LMTK2: variants seen among roughly 807,000 people sequenced by gnomAD.
The protein encoded by LMTK2 is lemur tail kinase 2.
In LMTK2, 37 loss-of-function variants were observed where a neutral mutation model predicts 127.5. That is an observed-to-expected ratio of 0.29 (90% CI 0.22 to 0.38). LMTK2 has a LOEUF of 0.38. Ranked by LOEUF, LMTK2 falls within the 10% of genes least tolerant of loss-of-function variation. LMTK2 has a pLI of 1.00. For synonymous variants in LMTK2, 819 were observed against 810.1 expected, an observed-to-expected ratio of 1.01 and a Z score of -0.19; for missense variants, 1,694 against 1,920.3, an observed-to-expected ratio of 0.88 and a Z score of 2.20.
At chr7:98,146,560 T>G (rs867241981) in intron 3 of LMTK2, among the ~76,000 whole-genome samples, 36 of 152,196 alleles carry the variant, frequency 2.4e-4, no homozygotes, top group African/African-American at 7.7e-4. Flanking sequence ...TCTTAGTGAT[T>G]ATAATGATTA....
chr7:98,139,745 A>G (rs984441955), intron 2 of LMTK2, among the ~76,000 whole-genome samples: 2 of 152,226 alleles, frequency 1.3e-5, no homozygotes, highest in East Asian at 1.9e-4. Flanking sequence ...GCATATGGAA[A>G]CACAAGTGTT....
At position 98,171,413 on chromosome 7, in the gene LMTK2, C is replaced by G; in HGVS notation, c.658-128C>G. 2 of 1,226,504 alleles carry G rather than the reference C, an allele frequency of 1.6e-6. No homozygotes were observed. The highest frequency in any genetic ancestry group is 2.4e-6 in the Non-Finnish European group (2 of 843,078). 76.0% of individuals were successfully genotyped at this position (1,226,504 alleles called of 1,614,324 possible). On this transcript the variant is annotated intron_variant, in intron 6 of 13. Transcript: ENST00000297293. The surrounding 1 kb of genome is among the most constrained non-coding windows in gnomAD (Gnocchi z 5.1). ...CTTTCGCAGTATTGGGTTGGAACTT[C>G]TTTAAGTATGAACAAAAGAAGTTTC...
In LMTK2 at chr7:98,173,997, A is replaced by G. The variant is rs868831445; in HGVS notation, c.791+2323A>G. On this transcript the variant is annotated intron_variant, in intron 7 of 13. Coordinates refer to ENST00000297293, the MANE Select transcript of LMTK2 (RefSeq NM_014916.4). ...CGTGAACCCGGGAGGTGGAGCTTGC[A>G]GTGAGCCGAGATCATGCCACTGCAC... Among the ~76,000 whole-genome samples the G allele has an allele frequency of 6.6e-5, 10 of 151,918 alleles. No individual in the cohort carries two copies. In the Middle Eastern group the frequency reaches 0.01, roughly 155 times the overall value.
At chr7:98,161,748 C>T (rs182745564) in intron 6 of LMTK2, among the ~76,000 whole-genome samples, 1 of 152,250 alleles carries the variant, frequency 6.6e-6, no homozygotes, top group Admixed American at 6.5e-5. Context: ...GGCACTGACA[C>T]AGCATCAACA....
At chr7:98,131,428 C>T (rs1290064651) in intron 1 of LMTK2, among the ~76,000 whole-genome samples, 2 of 152,090 alleles carry the variant, frequency 1.3e-5, no homozygotes, top group African/African-American at 4.8e-5. Flanking sequence ...GTGTTTTTCA[C>T]AGCCTGTGTT....
Position 98,194,341 on chromosome 7 carries a change from C to G in LMTK2, c.3876C>G (p.Asp1292Glu). 1 of 1,614,132 alleles carries G rather than the reference C, an allele frequency of 6.2e-7. No individual in the cohort carries two copies. ...CAGACGAGGAGGACGAAAACAGCGA[C>G]GACTCGGACGAGGACCTGCGGGCCT... The part of the protein sequence containing the change: ...MDADEEDENS[D>E]DSDEDLRAFN... Residue 1292 changes from aspartate (D) to glutamate (E), a missense_variant, in exon 11 of 14, where the codon GAC (aspartate) becomes GAG (glutamate). Transcript: ENST00000297293. This position sits in a 1 kb window ranked among gnomAD's most constrained non-coding sequence, Gnocchi z 5.4.
rs1584303353 is a variant in LMTK2, at chr7:98,204,053, T to C, written c.4350T>C (p.Ser1450=). ...CTCTCCAAACATCCAAGTACTTTTC[T>C]CCGCCGCCACCGGCCCGGAGCACGG... The part of the protein sequence containing the change: ...KPSLQTSKYF[S]PPPPARSTEQ... Residue 1450 remains serine (S), a synonymous_variant, in exon 13 of 14, where the codon TCT becomes TCC. Coordinates refer to ENST00000297293, the MANE Select transcript of LMTK2 (RefSeq NM_014916.4). 6.2e-7 allele frequency: 1 copy of C among 1,614,048 alleles called. No individual in the cohort carries two copies. Among genetic ancestry groups the C allele is most frequent in the South Asian group, 1.1e-5 (1 of 91,082 alleles).
At chr7:98,169,453 G>A (rs962743991) in intron 6 of LMTK2, among the ~76,000 whole-genome samples, 1 of 152,224 alleles carries the variant, frequency 6.6e-6, no homozygotes, top group Non-Finnish European at 1.5e-5. Context: ...GGCTGGGGTG[G>A]CAGTTCACTG....
intron 1 of LMTK2, among the ~76,000 whole-genome samples, chr7:98,112,397 TAC>T (rs2116315283): frequency 6.6e-6 from 1 of 152,318 alleles, no homozygotes; most frequent in Admixed American, 6.5e-5. Context: ...AGAGAATAGT[TAC>T]AGTCTTGTGA....
At chr7:98,144,158 C>T (rs551325055) in intron 3 of LMTK2, among the ~76,000 whole-genome samples, 6 of 151,962 alleles carry the variant, frequency 3.9e-5, no homozygotes, top group East Asian at 3.9e-4. Flanking sequence ...AGGCTGGGAG[C>T]GGTGGTTCAT....
chr7:98,187,325 G>T (rs575297263), intron 9 of LMTK2, among the ~76,000 whole-genome samples: 1 of 152,280 alleles, frequency 6.6e-6, no homozygotes, highest in South Asian at 2.1e-4. Context: ...GAAACTGAAA[G>T]GGGTGTGGAC....
intron 6 of LMTK2, among the ~76,000 whole-genome samples, chr7:98,161,063 C>T (rs1046110606): frequency 2.0e-5 from 3 of 152,010 alleles, no homozygotes; most frequent in African/African-American, 7.2e-5. Context: ...AGTTCATTTA[C>T]GTTTCTTGTA....
chr7:98,172,772 AT>A (rs1797213026), intron 7 of LMTK2, among the ~76,000 whole-genome samples: 1 of 150,464 alleles, frequency 6.6e-6, no homozygotes, highest in South Asian at 2.1e-4. Flanking sequence ...TTTATGTATT[AT>A]TTTTTTGAGA....
rs1285490617 is a variant in LMTK2 at position 98,122,722 on chromosome 7, GTGTGTA to G, written c.104-14591_104-14586del. Among the ~76,000 whole-genome samples, 154 of 86,742 alleles carry G rather than the reference GTGTGTA, an allele frequency of 1.8e-3. 4 individuals are homozygous for G. The highest frequency in any genetic ancestry group is 0.011 in the East Asian group (23 of 2,016). The allele number at this position is 86,742 out of a possible 152,430, so 56.9% of individuals were successfully genotyped here. A position where few individuals can be genotyped will look rare whatever the true frequency, so the allele number is the denominator to read the frequency against. On this transcript the variant is annotated intron_variant, in intron 1 of 13. Transcript: ENST00000297293. ...TGTGTGTGTGTGTGTGTGTGTGTGT[GTGTGTA>G]TATATATAACTGGATCTCACTCTGT... is the stretch of plus-strand genomic sequence containing the variant.
chr7:98,193,745 G>A lies in LMTK2; in HGVS notation c.3280G>A (p.Ala1094Thr), dbSNP rs770737389. The stretch of plus-strand genomic sequence containing the variant: ...AGAAGTGACCCCTGAGACGTTCACA[G>A]CTGGCTCCCAGGGTTCATACCGAGA... The part of the protein sequence containing the change: ...GTEVTPETFT[A>T]GSQGSYRDSA... The change falls in exon 11 of 14, where the codon GCT (alanine) becomes ACT (threonine). Residue 1094 changes from alanine (A) to threonine (T), a missense_variant. Around this residue, in one of 8 missense-constraint regions of LMTK2, gnomAD observed 554 missense variants for 567.7 expected, o/e 0.98. Coordinates refer to ENST00000297293, the MANE Select transcript of LMTK2 (RefSeq NM_014916.4). This position sits in a 1 kb window ranked among gnomAD's most constrained non-coding sequence, Gnocchi z 4.1. 1 of 1,613,960 alleles carries A rather than the reference G, an allele frequency of 6.2e-7. No individual in the cohort carries two copies. Among genetic ancestry groups the A allele is most frequent in the South Asian group, 1.1e-5 (1 of 91,074 alleles).
chr7:98,131,785 G>C (rs1447754630), intron 1 of LMTK2, among the ~76,000 whole-genome samples: 1 of 152,168 alleles, frequency 6.6e-6, no homozygotes, highest in Non-Finnish European at 1.5e-5. Flanking sequence ...ACAGTTTCCT[G>C]ATCCCTATTA....
intron 1 of LMTK2, among the ~76,000 whole-genome samples, chr7:98,136,604 G>C (rs1204835737): frequency 6.6e-6 from 1 of 152,218 alleles, no homozygotes; most frequent in African/African-American, 2.4e-5. Flanking sequence ...GGGAAAGGTA[G>C]GCCTGCAGTG....
intron 1 of LMTK2, among the ~76,000 whole-genome samples, chr7:98,111,034 G>A (rs1339573402): frequency 2.0e-5 from 3 of 152,318 alleles, no homozygotes; most frequent in Middle Eastern, 3.4e-3. Flanking sequence ...AGGATTTATA[G>A]CTATAAATCT....
At chr7:98,188,946 G>A (rs1447300992) in intron 9 of LMTK2, among the ~76,000 whole-genome samples, 2 of 152,034 alleles carry the variant, frequency 1.3e-5, no homozygotes, top group Non-Finnish European at 2.9e-5. Context: ...CATAATGTGT[G>A]TATTTGTTTG....
Sources: gnomAD v4.1 joint callset for allele counts (sites outside exome capture counted in the v4.1 genomes callset) on GRCh38, gnomAD v4.1.1 for gene constraint, gnomAD v4.1.1 regional missense constraint, Gnocchi (gnomAD v3.1) non-coding constraint, MANE v1.5 for transcripts, NCBI Gene and HGNC (gene_info 2026-07-23, HGNC 2026-07-21) for gene names.